Variants in HRH1 observed in about 807,000 individuals in gnomAD.
HRH1 encodes histamine H1 receptor.
In HRH1, 6 loss-of-function variants were observed where a neutral mutation model predicts 10.3. The observed-to-expected ratio is 0.58, with a 90% CI of 0.32 to 1.15. The LOEUF (loss-of-function observed/expected upper bound fraction) is 1.15. HRH1 is among the 50% of genes most tolerant of loss of function. The pLI is 0.05. For missense variants in HRH1, 514 were observed against 615.3 expected, an observed-to-expected ratio of 0.84 and a Z score of 1.74; for synonymous variants, 242 against 236.7, an observed-to-expected ratio of 1.02 and a Z score of -0.21.
At chr3:11,229,222 A>G (rs908067385) in intron 1 of HRH1, among the ~76,000 whole-genome samples, 18 of 152,160 alleles carry the variant, frequency 1.2e-4, no homozygotes, top group Admixed American at 5.9e-4. Flanking sequence ...TAAGGAGACA[A>G]TAGTAAACAT....
chr3:11,185,894 GGCACTTGCTGGGGTAGAT>G (rs1937444012), intron 1 of HRH1, among the ~76,000 whole-genome samples: 1 of 152,100 alleles, frequency 6.6e-6, no homozygotes, highest in South Asian at 2.1e-4. Flanking sequence ...CCAGGGCTCC[GGCACTTGCTGGGGTAGAT>G]GGCAGTTCCA....
At chr3:11,210,662 G>A (rs1938297202) in intron 1 of HRH1, among the ~76,000 whole-genome samples, 1 of 152,104 alleles carries the variant, frequency 6.6e-6, no homozygotes, top group Admixed American at 6.5e-5. Flanking sequence ...GTGTGGTGGT[G>A]CGCATTCACA....
intron 1 of HRH1, among the ~76,000 whole-genome samples, chr3:11,213,149 T>A (rs1349055482): frequency 1.3e-5 from 2 of 152,246 alleles, no homozygotes; most frequent in African/African-American, 4.8e-5. Context: ...TGTATTTTTC[T>A]TTAGGATATG....
chr3:11,246,332 CT>C (rs1939489023), intron 1 of HRH1, among the ~76,000 whole-genome samples: 1 of 152,218 alleles, frequency 6.6e-6, no homozygotes, highest in Non-Finnish European at 1.5e-5. Context: ...AGAGCACACC[CT>C]CTGTCCAGCA....
At chr3:11,182,391 G>T (rs558984389) in intron 1 of HRH1, among the ~76,000 whole-genome samples, 1 of 152,310 alleles carries the variant, frequency 6.6e-6, no homozygotes, top group Non-Finnish European at 1.5e-5. Context: ...AGTACGTAAT[G>T]GGCCTGACAT....
At chr3:11,241,982 G>A (rs779623533) in intron 1 of HRH1, among the ~76,000 whole-genome samples, 10 of 152,104 alleles carry the variant, frequency 6.6e-5, no homozygotes, top group Non-Finnish European at 1.3e-4. Context: ...TCTAAAAGTA[G>A]CCAATAGTGG....
At position 11,196,048 on chromosome 3, in the gene HRH1, T is replaced by G. The variant is rs1393653135; in HGVS notation, c.-36+41494T>G. ...GACTCCGCACTCTGGCCCCGCCAAG[T>G]CCATTCTCTTTCCTGCAGCCAGAGT... is the stretch of plus-strand genomic sequence containing the variant. On this transcript the variant is annotated intron_variant, in intron 1 of 1. Transcript: ENST00000431010. 2.6e-5 allele frequency among the ~76,000 whole-genome samples: 4 copies of G among 152,324 alleles called. No individual in the cohort carries two copies. The East Asian group carries it at 7.7e-4, about 29-fold the overall frequency.
At chr3:11,152,425 A>G (rs1296410037), upstream of HRH1, among the ~76,000 whole-genome samples, 1 of 152,152 alleles carries the variant, frequency 6.6e-6, no homozygotes, top group Non-Finnish European at 1.5e-5. Context: ...CATGTCTAAC[A>G]TGTTGTTTCT....
chr3:11,170,493 C>T (rs1220384835), intron 1 of HRH1, among the ~76,000 whole-genome samples: 2 of 152,256 alleles, frequency 1.3e-5, no homozygotes, highest in South Asian at 2.1e-4. Context: ...GATTTTGAAC[C>T]GGCGGCCTGG....
intron 1 of HRH1, among the ~76,000 whole-genome samples, chr3:11,168,614 T>A (rs1937092993): frequency 6.6e-6 from 1 of 152,236 alleles, no homozygotes; most frequent in South Asian, 2.1e-4. Context: ...GCCTCATCTA[T>A]AACATGAGCG....
chr3:11,150,816 C>A (rs1294088938), upstream of HRH1, among the ~76,000 whole-genome samples: 1 of 152,192 alleles, frequency 6.6e-6, no homozygotes, highest in East Asian at 1.9e-4. Context: ...TTTGGTTAGC[C>A]ACGATTCCTG....
At chr3:11,195,060 C>A (rs1231062219) in intron 1 of HRH1, among the ~76,000 whole-genome samples, 1 of 152,148 alleles carries the variant, frequency 6.6e-6, no homozygotes, top group Non-Finnish European at 1.5e-5. Flanking sequence ...GAAAGAGGAG[C>A]ACTACCCCCT....
intron 1 of HRH1, among the ~76,000 whole-genome samples, chr3:11,176,439 C>T (rs1005546450): frequency 6.6e-6 from 1 of 152,088 alleles, no homozygotes; most frequent in Admixed American, 6.5e-5. Context: ...ACACCCCGCC[C>T]CATTGTGCAC....
At chr3:11,150,583 T>C (rs1049987783), upstream of HRH1, among the ~76,000 whole-genome samples, 3 of 152,254 alleles carry the variant, frequency 2.0e-5, no homozygotes, top group Non-Finnish European at 4.4e-5. Flanking sequence ...CTTTGTGATT[T>C]TCCCATCTCC....
At chr3:11,220,195 A>G (rs1938659836) in intron 1 of HRH1, among the ~76,000 whole-genome samples, 3 of 151,856 alleles carry the variant, frequency 2.0e-5, no homozygotes, top group African/African-American at 7.3e-5. Context: ...CAATCCCCTA[A>G]CACCACGCCT....
chr3:11,157,933 T>C (rs763891682), intron 1 of HRH1, among the ~76,000 whole-genome samples: 1 of 152,270 alleles, frequency 6.6e-6, no homozygotes, highest in Non-Finnish European at 1.5e-5. Context: ...GTGTGATTTC[T>C]GGCTGTCTTT....
rs35710248 is a variant in HRH1, at chr3:11,181,627, C to CTTTTT, written c.-36+27091_-36+27095dup. Among the ~76,000 whole-genome samples the CTTTTT allele has an allele frequency of 2.2e-3, 252 of 113,142 alleles. 4 individuals are homozygous for CTTTTT. Among genetic ancestry groups the CTTTTT allele is most frequent in the African/African-American group, 7.3e-3 (190 of 25,970 alleles). The allele number at this position is 113,142 out of a possible 152,430, so 74.2% of individuals were successfully genotyped here. ...GAAATATCTATTCAGATCCCTTGCT[C>CTTTTT]TTTTTTTTTTTTTTTTTTTTTTGAG... On this transcript the variant is annotated intron_variant, in intron 1 of 1. Coordinates refer to ENST00000431010, the MANE Select transcript of HRH1 (RefSeq NM_001098212.2).
intron 1 of HRH1, among the ~76,000 whole-genome samples, chr3:11,252,940 T>G (rs1939689736): frequency 1.3e-5 from 2 of 152,092 alleles, no homozygotes; most frequent in South Asian, 4.1e-4. Flanking sequence ...TGAGCAAGAT[T>G]AGGGAGGGGA....
intron 1 of HRH1, among the ~76,000 whole-genome samples, chr3:11,144,058 T>C (rs1442957421): frequency 1.3e-5 from 2 of 151,914 alleles, no homozygotes; most frequent in African/African-American, 4.8e-5. Flanking sequence ...CAACAGATGA[T>C]GGTAGGGATG....
Sources: allele counts gnomAD v4.1 joint callset (sites outside exome capture counted in the v4.1 genomes callset), GRCh38; gene constraint gnomAD v4.1.1; transcripts MANE v1.5; gene names NCBI Gene and HGNC (gene_info 2026-07-23, HGNC 2026-07-21).